The following POU2F2 variants were observed in gnomAD, a reference collection of about 807,000 sequenced individuals.
The protein encoded by POU2F2 is POU class 2 homeobox 2, also known as POU domain, class 2, transcription factor 2.
POU2F2 carries 14 observed loss-of-function variants against 63.5 expected under a neutral mutation model. That is an observed-to-expected ratio of 0.22 (90% confidence interval 0.15 to 0.34). The LOEUF (loss-of-function observed/expected upper bound fraction) is 0.34, where lower values mean the gene tolerates loss of function less well. Ranked by LOEUF, POU2F2 falls within the 10% of genes least tolerant of loss-of-function variation. POU2F2 has a pLI of 1.00. For missense variants in POU2F2, 607 were observed against 815.2 expected, an observed-to-expected ratio of 0.74 and a Z score of 3.11; for synonymous variants, 306 against 348.6, an observed-to-expected ratio of 0.88 and a Z score of 1.36.
In POU2F2 at chr19:42,141,439, G is replaced by A. The variant is rs77736445; in HGVS notation, c.-8-18863C>T. Reference sequence around the variant, plus strand: ...TCAAGCTCCTCATCTGTGAAATGGGGGCAGTAAAATTGGCTGACAGGAACT... The same window carrying A: ...TCAAGCTCCTCATCTGTGAAATGGGAGCAGTAAAATTGGCTGACAGGAACT... On this transcript the variant is annotated intron_variant, in intron 2 of 6. Coordinates refer to the POU2F2 transcript ENST00000524801. Among the ~76,000 whole-genome samples the A allele has an allele frequency of 9.2e-3, 1,405 of 152,014 alleles. 22 individuals carry two copies. The highest frequency in any genetic ancestry group is 0.032 in the African/African-American group (1,341 of 41,444).
intron 2 of POU2F2, among the ~76,000 whole-genome samples, chr19:42,139,950 A>C (rs1456978108): frequency 1.3e-5 from 2 of 152,234 alleles, no homozygotes; most frequent in African/African-American, 2.4e-5. Context: ...GAGGAAGCTG[A>C]GGCCCACAGT....
At chr19:42,105,631 C>G (rs2146434107) in intron 5 of POU2F2, among the ~76,000 whole-genome samples, 1 of 152,318 alleles carries the variant, frequency 6.6e-6, no homozygotes, top group Non-Finnish European at 1.5e-5. Context: ...TGCAGAAGGT[C>G]TCATGGTGAG....
At chr19:42,097,192 GTTTTTTTT>G (rs778449653) in intron 7 of POU2F2, among the ~76,000 whole-genome samples, 8 of 117,752 alleles carry the variant, frequency 6.8e-5, no homozygotes, top group Non-Finnish European at 1.4e-4. Flanking sequence ...GAATTTTTCA[GTTTTTTTT>G]TTTTTTTTTT....
intron 13 of POU2F2, 49 bp from the exon 14 acceptor site, chr19:42,091,989 A>C (rs768177770): frequency 1.2e-5 from 19 of 1,535,700 alleles, no homozygotes; most frequent in East Asian, 7.2e-5. Context: ...ACCTGCCAAC[A>C]TAACTGGGGT....
intron 1 of POU2F2, among the ~76,000 whole-genome samples, chr19:42,127,172 C>G (rs1425363350): frequency 6.7e-6 from 1 of 150,070 alleles, no homozygotes; most frequent in Non-Finnish European, 1.5e-5. Flanking sequence ...CCAGGCTGGT[C>G]TCAGACTCGT....
chr19:42,131,592 C>T (rs1219417138), intron 1 of POU2F2, among the ~76,000 whole-genome samples: 1 of 152,186 alleles, frequency 6.6e-6, no homozygotes, highest in Admixed American at 6.5e-5. Context: ...ACTAAATGAG[C>T]CAACAGCTAT....
At position 42,093,834 on chromosome 19, in the gene POU2F2, G is replaced by A. The variant is rs1369067158; in HGVS notation, c.1259C>T (p.Thr420Ile). The A allele has an allele frequency of 1.2e-6, 2 of 1,611,108 alleles. No individual in the cohort carries two copies. Among genetic ancestry groups the A allele is most frequent in the East Asian group, 4.5e-5 (2 of 44,772 alleles). Residue 420 changes from threonine to isoleucine, a missense_variant, in exon 12 of 15, where the codon ACA (threonine) becomes ATA (isoleucine). Physicochemically the swap from Thr to Ile is moderately conservative, Grantham distance 89. Transcript: ENST00000692977. ...CATTTTCTGCCCTCCCTGACCTGTT[G>A]TGCTCAGACTGCTGGAAGCTTGGGA... ...PLSQASSSLS[T>I]TVTTLSSAVG...
intron 1 of POU2F2, among the ~76,000 whole-genome samples, chr19:42,194,322 CAAT>C: frequency 6.6e-6 from 1 of 152,170 alleles, no homozygotes; most frequent in East Asian, 1.9e-4. Flanking sequence ...TTTGAGGTTA[CAAT>C]GAGTTGTGAT....
intron 5 of POU2F2, among the ~76,000 whole-genome samples, chr19:42,108,702 A>G (rs2030558876): frequency 6.6e-6 from 1 of 152,240 alleles, no homozygotes; most frequent in South Asian, 2.1e-4. Flanking sequence ...ATCCAGCGGC[A>G]GCATGGCCCT....
chr19:42,194,445 A>G (rs2035106955), intron 1 of POU2F2, among the ~76,000 whole-genome samples: 2 of 149,528 alleles, frequency 1.3e-5, no homozygotes, highest in South Asian at 4.3e-4. Context: ...GGGAGAGAGG[A>G]AGGAAGGAAG....
At position 42,124,212 on chromosome 19, in the gene POU2F2, G is replaced by A. The variant is rs1293403407; in HGVS notation, c.29-1636C>T. Among the ~76,000 whole-genome samples the A allele has an allele frequency of 2.6e-5, 4 of 151,316 alleles. No individual in the cohort carries two copies. The South Asian group carries it at 6.3e-4, about 24-fold the overall frequency. ...CCAGCTATTGGGGAGGCTGAGGCAG[G>A]AGAATCGCTTGAATCCAGGAGGTCA... On this transcript the variant is annotated intron_variant, in intron 1 of 14. Coordinates refer to ENST00000692977, the MANE Select transcript of POU2F2 (RefSeq NM_001394376.1).
chr19:42,167,690 G>A (rs768279591), intron 1 of POU2F2, among the ~76,000 whole-genome samples: 1 of 152,144 alleles, frequency 6.6e-6, no homozygotes, highest in African/African-American at 2.4e-5. Context: ...GGGTTTGCAA[G>A]CCAAGAAAGA....
chr19:42,169,996 G>T lies in POU2F2; in HGVS notation c.-70+5967C>A, dbSNP rs535319141. Among the ~76,000 whole-genome samples, 3 of 152,206 alleles carry T rather than the reference G, an allele frequency of 2.0e-5. No homozygotes were observed. The highest frequency in any genetic ancestry group is 4.2e-4 in the South Asian group (2 of 4,814). ...CCAGGCAGGCTGGGCCCTGAGGGGA[G>T]TGGTGGGGGAGGGGCTGGTCCCCAC... On this transcript the variant is annotated intron_variant, in intron 1 of 6. Coordinates refer to the POU2F2 transcript ENST00000524801. The surrounding 1 kb of genome is among the most constrained non-coding windows in gnomAD (Gnocchi z 4.3).
Position 42,090,391 on chromosome 19 carries a change from G to C in POU2F2, c.*866C>G, listed in dbSNP as rs963278277. 1.3e-5 allele frequency: 2 copies of C among 152,574 alleles called. No homozygotes were observed. Among genetic ancestry groups the C allele is most frequent in the African/African-American group, 4.8e-5 (2 of 41,400 alleles). The allele number at this position is 152,574 out of a possible 1,614,324, so 9.5% of individuals were successfully genotyped here. A position where few individuals can be genotyped will look rare whatever the true frequency, so the allele number is the denominator to read the frequency against. ...GTGAGAGCTAGAACTTGGCAAAATGGCCTAGCCCACCCTTCAAAGGGGAAA... is the reference window on the plus strand; with the variant it reads ...GTGAGAGCTAGAACTTGGCAAAATGCCCTAGCCCACCCTTCAAAGGGGAAA... On this transcript the variant is annotated 3_prime_UTR_variant, in exon 15 of 15. Transcript: ENST00000692977. The surrounding 1 kb of genome is among the most constrained non-coding windows in gnomAD (Gnocchi z 4.4).
intron 5 of POU2F2, among the ~76,000 whole-genome samples, chr19:42,103,386 G>A (rs1273326858): frequency 6.6e-6 from 1 of 152,198 alleles, no homozygotes; most frequent in Admixed American, 6.5e-5. Context: ...CACCCAGTAG[G>A]TGTTCCACAT....
chr19:42,130,412 G>C (rs987497091), intron 1 of POU2F2, among the ~76,000 whole-genome samples: 4 of 152,100 alleles, frequency 2.6e-5, no homozygotes, highest in African/African-American at 9.7e-5. Context: ...AGACCAGGCA[G>C]GGTGAGTGAT....
intron 2 of POU2F2, among the ~76,000 whole-genome samples, chr19:42,159,139 C>T (rs1202577779): frequency 2.0e-5 from 3 of 152,090 alleles, no homozygotes; most frequent in Non-Finnish European, 4.4e-5. Flanking sequence ...GTTTGGACCA[C>T]GAGGAGATTT....
chr19:42,096,281 G>A lies in POU2F2; in HGVS notation c.568-38C>T. 1.3e-6 allele frequency: 2 copies of A among 1,503,998 alleles called. No homozygotes were observed. The highest frequency in any genetic ancestry group is 1.8e-6 in the Non-Finnish European group (2 of 1,125,210). The allele number at this position is 1,503,998 out of a possible 1,614,324, so 93.2% of individuals were successfully genotyped here. On this transcript the variant is annotated intron_variant, in intron 7 of 14. Coordinates refer to ENST00000692977, the MANE Select transcript of POU2F2 (RefSeq NM_001394376.1). The surrounding 1 kb of genome is among the most constrained non-coding windows in gnomAD (Gnocchi z 4.1). ...GCAGGTGGGTGGGATGCAGGGCGGA[G>A]GACCAGGATGGGGCTCAGCGATGGG...
chr19:42,122,517 G>A lies in POU2F2; in HGVS notation c.88C>T (p.His30Tyr). 6.2e-7 allele frequency: 1 copy of A among 1,610,512 alleles called. No homozygotes were observed. Among genetic ancestry groups the A allele is most frequent in the Non-Finnish European group, 8.5e-7 (1 of 1,178,146 alleles). ...CTGCTCCCTGCCCACCCACCTGTGT[G>A]CTCTGATGGGGAGTCCAGACCTTGC... ...EKQGLDSPSE[H>Y]TDTERNGPDT... The change falls in exon 2 of 15, where the codon CAC (histidine) becomes TAC (tyrosine). Residue 30 changes from histidine to tyrosine, a missense_variant. His to Tyr is a moderately conservative substitution (Grantham distance 83). This residue lies in a region of POU2F2 where 224 missense variants were observed against 264.3 expected (regional missense o/e 0.85). Transcript: ENST00000692977.
Sources: allele counts gnomAD v4.1 joint callset (sites outside exome capture counted in the v4.1 genomes callset), GRCh38; gene constraint gnomAD v4.1.1; regional missense constraint gnomAD v4.1.1; non-coding constraint Gnocchi (gnomAD v3.1); transcripts MANE v1.5; gene names NCBI Gene and HGNC (gene_info 2026-07-23, HGNC 2026-07-21).